The following PIN4 variants were observed in gnomAD, a reference collection of about 807,000 sequenced individuals.
PIN4 encodes peptidyl-prolyl cis-trans isomerase NIMA-interacting 4.
PIN4 carries 3 observed loss-of-function variants against 8.3 expected under a neutral mutation model. That is an observed-to-expected ratio of 0.36 (90% CI 0.16 to 0.93). The LOEUF is 0.93. PIN4 is among the 40% of genes least tolerant of loss of function. The pLI is 0.44. For synonymous variants in PIN4, 18 were observed against 32.5 expected (o/e 0.55, Z 1.52); for missense variants, 75 against 100.6 (o/e 0.75, Z 1.09).
intron 3 of PIN4, among the ~76,000 whole-genome samples, chrX:72,255,179 C>T (rs1190425019): frequency 1.8e-5 from 2 of 108,433 alleles, no homozygotes; most frequent in African/African-American, 3.4e-5. Flanking sequence ...AGTCCATTGG[C>T]GGATCGCTTG....
chrX:72,222,595 CT>C (rs758259884), intron 3 of PIN4, among the ~76,000 whole-genome samples: 31,654 of 84,939 alleles, frequency 0.37, 6,438 homozygotes, highest in East Asian at 0.97. Context: ...AGAATCCAGC[CT>C]TTTTTTTTTT....
At chrX:72,239,092 ACG>A in intron 3 of PIN4, 1 of 427,353 alleles carries the variant, frequency 2.3e-6, no homozygotes, top group Non-Finnish European at 4.0e-6. Flanking sequence ...ATCCGCGACC[ACG>A]CGCTGCGACG....
intron 3 of PIN4, among the ~76,000 whole-genome samples, chrX:72,241,225 A>G (rs192926114): frequency 8.9e-6 from 1 of 111,794 alleles, no homozygotes; most frequent in East Asian, 2.8e-4. Flanking sequence ...GTTGAAACTT[A>G]ATCCCCACCA....
chrX:72,206,877 G>T (rs1421306483), intron 3 of PIN4: 1 of 1,211,417 alleles, frequency 8.3e-7, no homozygotes, highest in Non-Finnish European at 1.1e-6. Flanking sequence ...GAAGATCCTC[G>T]ATTGTAAAGA....
chrX:72,187,820 T>C (rs1199650286), intron 2 of PIN4, among the ~76,000 whole-genome samples: 1 of 111,847 alleles, frequency 8.9e-6, no homozygotes, highest in Non-Finnish European at 1.9e-5. Flanking sequence ...AAATAAAAAG[T>C]AAGAGATGGT....
intron 3 of PIN4, among the ~76,000 whole-genome samples, chrX:72,261,349 C>T (rs868725103): frequency 1.9e-5 from 2 of 106,231 alleles, no homozygotes; most frequent in Non-Finnish European, 3.9e-5. Flanking sequence ...CTGTCCAGAA[C>T]TCATGGATGA....
At chrX:72,252,994 A>G (rs1819533986) in intron 3 of PIN4, among the ~76,000 whole-genome samples, 1 of 110,979 alleles carries the variant, frequency 9.0e-6, no homozygotes, top group South Asian at 3.9e-4. Context: ...CTCCTATATC[A>G]AGTCCCCCTC....
At chrX:72,186,306 C>T (rs1005656688) in intron 1 of PIN4, 155 bp from the exon 2 acceptor site, 3 of 509,172 alleles carry the variant, frequency 5.9e-6, no homozygotes, top group African/African-American at 2.4e-5. Flanking sequence ...CCCAGGGAAG[C>T]TGAAAGGTTG....
Position 72,239,139 on chromosome X carries a change from C to T in PIN4, c.313-23568C>T. ...GAGCCCCGCCCATGACGGTGGGCGC[C>T]TGCGCCTACGCGCGCCGGGAAGCAG... On this transcript the variant is annotated intron_variant, in intron 3 of 3. Coordinates refer to the PIN4 transcript ENST00000423432. 6 of 392,043 alleles carry T rather than the reference C, an allele frequency of 1.5e-5. No homozygotes were observed. The East Asian group carries it at 2.0e-4, about 13-fold the overall frequency. 32.3% of individuals were successfully genotyped at this position (392,043 alleles called of 1,213,427 possible). A position where few individuals can be genotyped will look rare whatever the true frequency, so the allele number is the denominator to read the frequency against.
chrX:72,239,140 T>A (rs1285207929), intron 3 of PIN4: 8 of 387,874 alleles, frequency 2.1e-5, no homozygotes, highest in Non-Finnish European at 3.2e-5. Flanking sequence ...GGTGGGCGCC[T>A]GCGCCTACGC....
chrX:72,251,544 C>T (rs767976106), intron 3 of PIN4, among the ~76,000 whole-genome samples: 23 of 110,998 alleles, frequency 2.1e-4, no homozygotes, highest in African/African-American at 7.6e-4. Flanking sequence ...CCCACCTTTG[C>T]TAACAGTGTT....
intron 3 of PIN4, among the ~76,000 whole-genome samples, chrX:72,250,701 T>C (rs1474603800): frequency 9.7e-6 from 1 of 103,441 alleles, no homozygotes; most frequent in African/African-American, 3.5e-5. Context: ...TAAAAATAAA[T>C]AAAAACATAG....
chrX:72,219,150 G>A (rs1380968781), intron 3 of PIN4, among the ~76,000 whole-genome samples: 1 of 111,518 alleles, frequency 9.0e-6, no homozygotes, highest in African/African-American at 3.3e-5. Flanking sequence ...CAGCTACTTG[G>A]GAGACTGAGG....
chrX:72,263,035 C>T (rs1411631568), exon 4 of PIN4: 6 of 302,697 alleles, frequency 2.0e-5, no homozygotes, highest in Non-Finnish European at 3.5e-5. Flanking sequence ...TTAATTTGTT[C>T]ATTTGTTCAG....
At chrX:72,192,094 G>C (rs1370614297) in intron 2 of PIN4, among the ~76,000 whole-genome samples, 1 of 110,575 alleles carries the variant, frequency 9.0e-6, no homozygotes, top group Admixed American at 9.7e-5. Flanking sequence ...TGGGATTACA[G>C]GCATCCACCA....
chrX:72,194,121 C>T (rs371248252), intron 2 of PIN4, among the ~76,000 whole-genome samples: 1 of 111,606 alleles, frequency 9.0e-6, no homozygotes, highest in African/African-American at 3.3e-5. Context: ...CAGTAGGGGA[C>T]GGGTGCGGTG....
exon 4 of PIN4, chrX:72,263,160 C>G: frequency 7.8e-6 from 1 of 128,416 alleles, no homozygotes; most frequent in Non-Finnish European, 1.6e-5. Flanking sequence ...AATTTTAATA[C>G]AATGTGGCAA....
chrX:72,208,928 G>C (rs2042836701), intron 3 of PIN4, among the ~76,000 whole-genome samples: 1 of 111,907 alleles, frequency 8.9e-6, no homozygotes, highest in Non-Finnish European at 1.9e-5. Context: ...TGTGGAAAAT[G>C]AATGTGCAAA....
rs144633562 is a variant in PIN4 at position 72,192,786 on chromosome X, G to A, written c.118-3999G>A. 3.7e-3 allele frequency among the ~76,000 whole-genome samples: 410 copies of A among 109,898 alleles called. 2 individuals carry two copies. Among genetic ancestry groups the A allele is most frequent in the Non-Finnish European group, 6.0e-3 (317 of 52,737 alleles). ...TTTTTTTTAAAGTTTTTGTAGAGAT[G>A]GGGGTCTTACTATGTTGCCCAGACT... On this transcript the variant is annotated intron_variant, in intron 2 of 3. Transcript: ENST00000373669.
Sources: allele counts gnomAD v4.1 joint callset (sites outside exome capture counted in the v4.1 genomes callset), GRCh38; gene constraint gnomAD v4.1.1; transcripts MANE v1.5; gene names NCBI Gene and HGNC (gene_info 2026-07-23, HGNC 2026-07-21).